The following CFAP58 variants were observed in gnomAD, a reference collection of about 807,000 sequenced individuals.
CFAP58 encodes cilia and flagella associated protein 58, also known as cilia- and flagella-associated protein 58.
A neutral mutation model predicts 119.5 loss-of-function variants in CFAP58; 88 were observed. The ratio of observed to expected loss-of-function variants is 0.74; its 90% confidence interval spans 0.62 to 0.88. CFAP58 has a LOEUF of 0.88. CFAP58 is among the 40% of genes least tolerant of loss of function. The pLI, the probability that CFAP58 is intolerant of heterozygous loss-of-function variation, is 0.00. For missense variants in CFAP58, 990 were observed against 1,021.2 expected, an observed-to-expected ratio of 0.97 and a Z score of 0.42; for synonymous variants, 365 against 366.3, an observed-to-expected ratio of 1.00 and a Z score of 0.04.
At chr10:104,357,911 A>G (rs1161239966) in intron 1 of CFAP58, among the ~76,000 whole-genome samples, 2 of 113,888 alleles carry the variant, frequency 1.8e-5, no homozygotes, top group East Asian at 2.2e-4. Context: ...ACACATATAC[A>G]CACATATATG....
intron 11 of CFAP58, among the ~76,000 whole-genome samples, chr10:104,398,257 CA>C (rs2012199530): frequency 6.6e-6 from 1 of 152,216 alleles, no homozygotes; most frequent in Non-Finnish European, 1.5e-5. Flanking sequence ...GCGAATCCCT[CA>C]AGTCTTGCTT....
upstream of CFAP58, among the ~76,000 whole-genome samples, chr10:104,349,064 C>T (rs376401842): frequency 8.9e-4 from 135 of 152,204 alleles, no homozygotes; most frequent in Non-Finnish European, 1.3e-3. Context: ...CTGGCTAACA[C>T]GTTGAAACTC....
chr10:104,377,657 C>A lies in CFAP58; in HGVS notation c.1173+764C>A, dbSNP rs529902374. Among the ~76,000 whole-genome samples the A allele has an allele frequency of 7.2e-5, 11 of 152,216 alleles. No individual in the cohort carries two copies. The South Asian group carries it at 2.1e-3, about 29-fold the overall frequency. On this transcript the variant is annotated intron_variant, in intron 8 of 17. Coordinates refer to ENST00000369704, the MANE Select transcript of CFAP58 (RefSeq NM_001008723.2). ...TGGCAGGGTGCTTCTATAACAGCCA[C>A]GGCCAAGACAGTTTCATCTCATCAA...
intron 15 of CFAP58, among the ~76,000 whole-genome samples, chr10:104,416,542 C>T (rs1393602629): frequency 6.6e-5 from 10 of 152,156 alleles, no homozygotes; most frequent in Admixed American, 6.5e-4. Flanking sequence ...AATGGATCTG[C>T]ACGAGTTATT....
At chr10:104,424,345 T>G (rs1471083654) in intron 15 of CFAP58, among the ~76,000 whole-genome samples, 2 of 152,206 alleles carry the variant, frequency 1.3e-5, no homozygotes, top group Non-Finnish European at 2.9e-5. Context: ...TTTCCTCCAA[T>G]GTGTGTAGGG....
At chr10:104,363,224 A>G (rs2014695941) in intron 3 of CFAP58, among the ~76,000 whole-genome samples, 1 of 152,154 alleles carries the variant, frequency 6.6e-6, no homozygotes, top group Admixed American at 6.5e-5. Context: ...TTCTCTACCC[A>G]TTAGGCTGTG....
intron 16 of CFAP58, among the ~76,000 whole-genome samples, chr10:104,449,811 G>A (rs2013166263): frequency 6.6e-6 from 1 of 152,032 alleles, no homozygotes; most frequent in Admixed American, 6.6e-5. Flanking sequence ...GAGCCTGTTC[G>A]AATGTTGTCT....
At chr10:104,344,652 AAAAT>A in the CFAP58 span, among the ~76,000 whole-genome samples, 1 of 150,966 alleles carries the variant, frequency 6.6e-6, no homozygotes, top group Non-Finnish European at 1.5e-5. Context: ...GCTAGATTCT[AAAAT>A]GCAATGGTAT....
chr10:104,346,158 A>C, the CFAP58 span, among the ~76,000 whole-genome samples: 3 of 151,440 alleles, frequency 2.0e-5, no homozygotes, highest in Non-Finnish European at 4.4e-5. Context: ...GATGTGCCTG[A>C]CTCCTTTAAA....
intron 15 of CFAP58, among the ~76,000 whole-genome samples, chr10:104,445,493 G>A (rs998010293): frequency 2.0e-5 from 3 of 152,192 alleles, no homozygotes; most frequent in Non-Finnish European, 2.9e-5. Context: ...TTCAGATGGT[G>A]TAGATGGGGA....
At chr10:104,376,713 G>C (rs1440798302) in intron 7 of CFAP58, 98 bp from the exon 8 acceptor site, 2 of 866,748 alleles carry the variant, frequency 2.3e-6, no homozygotes, top group South Asian at 1.5e-5. Context: ...TATAGCTAGA[G>C]ACAAACATGT....
intron 15 of CFAP58, among the ~76,000 whole-genome samples, chr10:104,426,993 C>T (rs2012761149): frequency 1.3e-5 from 2 of 152,166 alleles, no homozygotes; most frequent in Non-Finnish European, 2.9e-5. Context: ...TTTTTAGAAA[C>T]TTGAGAGGTT....
Position 104,399,445 on chromosome 10 carries a change from G to A in CFAP58, c.1760G>A (p.Arg587Gln), listed in dbSNP as rs748990071. 13 of 1,613,762 alleles carry A rather than the reference G, an allele frequency of 8.1e-6. No homozygotes were observed. In the South Asian group the frequency reaches 9.9e-5, roughly 12 times the overall value. ...KQEAEERKLL[R>Q]IIAEADGERL... ...GAAGCTGAAGAGAGAAAACTCCTGC[G>A]AATAATTGCTGAGGCTGACGGGGAG... is the stretch of plus-strand genomic sequence containing the variant. The change falls in exon 12 of 18, where the codon CGA (arginine) becomes CAA (glutamine). Residue 587 changes from arginine (R) to glutamine (Q), a missense_variant. Physicochemically the swap from Arg to Gln is conservative, Grantham distance 43 (BLOSUM62 1). Coordinates refer to ENST00000369704, the MANE Select transcript of CFAP58 (RefSeq NM_001008723.2).
intron 15 of CFAP58, among the ~76,000 whole-genome samples, chr10:104,407,822 A>G (rs999748618): frequency 1.3e-4 from 19 of 151,980 alleles, no homozygotes; most frequent in Non-Finnish European, 2.4e-4. Context: ...TCAGCCTCCC[A>G]AGTAGCTGGG....
At chr10:104,338,653 C>G in the CFAP58 span, among the ~76,000 whole-genome samples, 11 of 151,822 alleles carry the variant, frequency 7.2e-5, no homozygotes. Flanking sequence ...CTGGGAGAGA[C>G]GGAATCAGGC....
intron 9 of CFAP58, among the ~76,000 whole-genome samples, chr10:104,387,527 A>C (rs1170239118): frequency 6.6e-6 from 1 of 152,234 alleles, no homozygotes; most frequent in East Asian, 1.9e-4. Flanking sequence ...ACAAGGGGAG[A>C]GAGTGAACAT....
At chr10:104,429,901 T>G (rs2012815388) in intron 15 of CFAP58, among the ~76,000 whole-genome samples, 1 of 152,060 alleles carries the variant, frequency 6.6e-6, no homozygotes, top group Non-Finnish European at 1.5e-5. Flanking sequence ...CCTCTCCTCT[T>G]TTGCCTGCTC....
In CFAP58 at chr10:104,357,975, GTACATA is replaced by G. The variant is rs1564876234; in HGVS notation, c.10-364_10-359del. On this transcript the variant is annotated intron_variant, in intron 1 of 17. Transcript: ENST00000369704. ...TATATACACATATATGTACACATAT[GTACATA>G]TGTACACATATATGTACACATATAT... 9.1e-3 allele frequency among the ~76,000 whole-genome samples: 1,134 copies of G among 124,254 alleles called. 65 individuals are homozygous for G. Among genetic ancestry groups the G allele is most frequent in the African/African-American group, 0.041 (1,092 of 26,926 alleles). 81.5% of individuals were successfully genotyped at this position (124,254 alleles called of 152,430 possible). A position where few individuals can be genotyped will look rare whatever the true frequency, so the allele number is the denominator to read the frequency against.
chr10:104,423,998 A>G (rs761657655), intron 15 of CFAP58, among the ~76,000 whole-genome samples: 17 of 152,084 alleles, frequency 1.1e-4, no homozygotes, highest in Non-Finnish European at 1.8e-4. Flanking sequence ...ATTTTAGGGG[A>G]ATTTATAGAA....
Sources: allele counts gnomAD v4.1 joint callset (sites outside exome capture counted in the v4.1 genomes callset), GRCh38; gene constraint gnomAD v4.1.1; transcripts MANE v1.5; gene names NCBI Gene and HGNC (gene_info 2026-07-23, HGNC 2026-07-21).